ZNF276: variants seen among roughly 807,000 people sequenced by gnomAD.
ZNF276 encodes the protein zinc finger protein 276.
Under a neutral mutation model 63.9 loss-of-function variants are expected in ZNF276, and 59 were observed. The ratio of observed to expected loss-of-function variants is 0.92; its 90% CI spans 0.75 to 1.15. The LOEUF (loss-of-function observed/expected upper bound fraction) is 1.15, where lower values mean the gene tolerates loss of function less well. Ranked by LOEUF, ZNF276 falls within the 50% of genes most tolerant of loss-of-function variation. The pLI is 0.00. For synonymous variants in ZNF276, 496 were observed against 348.4 expected (o/e 1.42, Z -4.72); for missense variants, 1,084 against 843.8 (o/e 1.28, Z -3.53).
At position 89,733,469 on chromosome 16, in the gene ZNF276, C is replaced by G; in HGVS notation, c.1281-13C>G. ...TGTCGGGGCCGGGGCTCCATGCATG[C>G]TCTTCATTGCAGGGAGGAGCTTCCC... is the stretch of plus-strand genomic sequence containing the variant. On this transcript the variant is annotated splice_polypyrimidine_tract_variant and intron_variant, in intron 7 of 10. Coordinates refer to ENST00000443381, the MANE Select transcript of ZNF276 (RefSeq NM_001113525.2). 1.9e-6 allele frequency: 3 copies of G among 1,614,174 alleles called. No homozygotes were observed. In the South Asian group the frequency reaches 3.3e-5, roughly 18 times the overall value.
Position 89,729,294 on chromosome 16 carries a change from C to T in ZNF276, c.1145C>T (p.Ser382Phe), listed in dbSNP as rs1483907564. 1 of 1,614,086 alleles carries T rather than the reference C, an allele frequency of 6.2e-7. No homozygotes were observed. Among genetic ancestry groups the T allele is most frequent in the South Asian group, 1.1e-5 (1 of 91,074 alleles). ...KKQNAQSSDE[S>F]FEPYPERKVS... ...CAAAATGCCCAGTCTTCGGACGAGT[C>T]CTTTGAGCCTTACCCAGAAAGGAAG... The change falls in exon 6 of 11, where the codon TCC (serine) becomes TTC (phenylalanine). Residue 382 changes from serine to phenylalanine, a missense_variant. By Grantham distance (155) the Ser-to-Phe change is radical. Coordinates refer to ENST00000443381, the MANE Select transcript of ZNF276 (RefSeq NM_001113525.2).
rs551944823 is a variant in ZNF276 at position 89,739,934 on chromosome 16, G to T, written c.*1688G>T. 5.9e-5 allele frequency: 94 copies of T among 1,606,014 alleles called. No individual in the cohort carries two copies. The highest frequency in any genetic ancestry group is 7.7e-5 in the Non-Finnish European group (90 of 1,173,928). Reference sequence around the variant, plus strand: ...AAGGAGGGCTCGTTCTTAACCATTTGCAAGATGCCTCTGAAAAGAGCGGCC... The same window carrying T: ...AAGGAGGGCTCGTTCTTAACCATTTTCAAGATGCCTCTGAAAAGAGCGGCC... On this transcript the variant is annotated 3_prime_UTR_variant, in exon 11 of 11. Coordinates refer to ENST00000443381, the MANE Select transcript of ZNF276 (RefSeq NM_001113525.2).
chr16:89,736,681 G>C (rs559521666), intron 9 of ZNF276, among the ~76,000 whole-genome samples: 3 of 150,486 alleles, frequency 2.0e-5, no homozygotes, highest in East Asian at 2.0e-4. Flanking sequence ...TGTGGTCCCA[G>C]CTACTTGAGA....
chr16:89,734,700 G>T (rs2061791180), intron 9 of ZNF276, among the ~76,000 whole-genome samples: 1 of 152,184 alleles, frequency 6.6e-6, no homozygotes, highest in African/African-American at 2.4e-5. Flanking sequence ...ACAGGCGGGA[G>T]GCACGTGTGG....
At chr16:89,735,126 G>A (rs888508767) in intron 9 of ZNF276, among the ~76,000 whole-genome samples, 3 of 151,770 alleles carry the variant, frequency 2.0e-5, no homozygotes, top group Non-Finnish European at 2.9e-5. Flanking sequence ...GTGAGACACT[G>A]TCTCAAAAAA....
At chr16:89,734,612 C>T (rs1170102576) in intron 9 of ZNF276, among the ~76,000 whole-genome samples, 1 of 151,532 alleles carries the variant, frequency 6.6e-6, no homozygotes, top group Non-Finnish European at 1.5e-5. Flanking sequence ...AGCACTGCAC[C>T]TGGCCCAAAC....
upstream of ZNF276, chr16:89,720,871 CG>C: frequency 3.7e-6 from 5 of 1,357,888 alleles, no homozygotes; most frequent in Admixed American, 3.3e-5. Flanking sequence ...TGGCGCCGAG[CG>C]GGGGAGGCGG....
intron 6 of ZNF276, among the ~76,000 whole-genome samples, chr16:89,730,790 C>G (rs1315883517): frequency 6.6e-6 from 1 of 152,182 alleles, no homozygotes; most frequent in African/African-American, 2.4e-5. Flanking sequence ...GGCCTCTGCA[C>G]AGCCCCCGGC....
rs2061419968 is a variant in ZNF276, at chr16:89,724,835, TATC to T, written c.1006+1127_1006+1129del. ...CTGTGTATCTATCTACCTACCTACC[TATC>T]TATCTTCCTACTTCTTTGTCTCTCT... On this transcript the variant is annotated intron_variant, in intron 4 of 10. Transcript: ENST00000443381. Among the ~76,000 whole-genome samples, 6 of 73,094 alleles carry T rather than the reference TATC, an allele frequency of 8.2e-5. No homozygotes were observed. The South Asian group carries it at 1.6e-3, about 19-fold the overall frequency. The allele number at this position is 73,094 out of a possible 152,430, so 48.0% of individuals were successfully genotyped here. A position where few individuals can be genotyped will look rare whatever the true frequency, so the allele number is the denominator to read the frequency against.
intron 6 of ZNF276, among the ~76,000 whole-genome samples, chr16:89,731,132 G>C (rs1389796053): frequency 6.6e-6 from 1 of 152,208 alleles, no homozygotes; most frequent in Non-Finnish European, 1.5e-5. Flanking sequence ...CACAAACAAG[G>C]GGCCACCCAA....
Position 89,721,586 on chromosome 16 carries a change from T to C in ZNF276, c.-55T>C, listed in dbSNP as rs903640765. 6.4e-5 allele frequency: 93 copies of C among 1,453,418 alleles called. No homozygotes were observed. The highest frequency in any genetic ancestry group is 4.2e-4 in the Middle Eastern group (2 of 4,744). The allele number at this position is 1,453,418 out of a possible 1,614,324, so 90.0% of individuals were successfully genotyped here. On this transcript the variant is annotated 5_prime_UTR_variant, in exon 1 of 11. Transcript: ENST00000443381. ...GAGCGGAGCCTAACGCCGGGTCCTCTAGGAACCTCGGGCCGGGCAGCACCC... is the reference window on the plus strand; with the variant it reads ...GAGCGGAGCCTAACGCCGGGTCCTCCAGGAACCTCGGGCCGGGCAGCACCC...
In ZNF276 at chr16:89,739,442, C is replaced by T; in HGVS notation, c.*1196C>T. 1.3e-6 allele frequency: 2 copies of T among 1,552,562 alleles called. No individual in the cohort carries two copies. Among genetic ancestry groups the T allele is most frequent in the South Asian group, 2.4e-5 (2 of 84,560 alleles). ...TGCTGAGATGGGGGTCTGGGAAACA[C>T]TGCCCAGCCCTGACCAGCCCTGTGG... On this transcript the variant is annotated 3_prime_UTR_variant, in exon 11 of 11. Transcript: ENST00000443381.
chr16:89,724,116 C>G (rs577374647), intron 4 of ZNF276, among the ~76,000 whole-genome samples: 36 of 152,370 alleles, frequency 2.4e-4, no homozygotes, highest in African/African-American at 8.4e-4. Context: ...TTTCCTGGCA[C>G]TCAGCCAGCC....
chr16:89,728,481 G>A (rs1175028401), intron 5 of ZNF276, among the ~76,000 whole-genome samples: 1 of 152,166 alleles, frequency 6.6e-6, no homozygotes, highest in Non-Finnish European at 1.5e-5. Flanking sequence ...TCGGCTCACT[G>A]CAAGCTCTGC....
At position 89,722,714 on chromosome 16, in the gene ZNF276, C is replaced by T. The variant is rs745812013; in HGVS notation, c.389C>T (p.Thr130Ile). The T allele has an allele frequency of 4.3e-6, 7 of 1,612,254 alleles. No homozygotes were observed. The Admixed American group carries it at 6.7e-5, about 15-fold the overall frequency. ...LLGVAVRQDP[T>I]LSPFVCKSCH... ...GGTGTGGCTGTCCGCCAGGACCCCA[C>T]CTTGTCTCCGTTTGTCTGCAAGAGC... The change falls in exon 2 of 11, where the codon ACC becomes ATC. Residue 130 changes from threonine (T) to isoleucine (I), a missense_variant. Transcript: ENST00000443381.
In ZNF276 at chr16:89,739,979, C is replaced by T. The variant is rs1161659545; in HGVS notation, c.*1733C>T. On this transcript the variant is annotated 3_prime_UTR_variant, in exon 11 of 11. Coordinates refer to ENST00000443381, the MANE Select transcript of ZNF276 (RefSeq NM_001113525.2). ...GCGGCCCTCCGCATTTGTGCCTCAG[C>T]AGCGTGTTTCTTACCACTCTCTGTC... The T allele has an allele frequency of 6.2e-7, 1 of 1,613,590 alleles. No homozygotes were observed. Among genetic ancestry groups the T allele is most frequent in the South Asian group, 1.1e-5 (1 of 91,084 alleles).
At chr16:89,721,308 C>T (rs1372123733), upstream of ZNF276, 7 of 266,218 alleles carry the variant, frequency 2.6e-5, no homozygotes, top group Admixed American at 2.2e-4. Context: ...GTCGCCTCTC[C>T]CTGGAGGACT....
intron 9 of ZNF276, among the ~76,000 whole-genome samples, chr16:89,735,290 G>C (rs759533116): frequency 9.3e-5 from 13 of 139,470 alleles, no homozygotes; most frequent in East Asian, 7.8e-4. Flanking sequence ...GGTAAGGGGT[G>C]GGGGGGGGCC....
In ZNF276 at chr16:89,739,363, T is replaced by C; in HGVS notation, c.*1117T>C. ...AGCAGGTGATGCCAAGGGATACTGC[T>C]CATCTGTGGAGCAGAGGCACAGACA... On this transcript the variant is annotated 3_prime_UTR_variant, in exon 11 of 11. Coordinates refer to ENST00000443381, the MANE Select transcript of ZNF276 (RefSeq NM_001113525.2). 1 of 1,599,728 alleles carries C rather than the reference T, an allele frequency of 6.3e-7. No homozygotes were observed.
Sources: allele counts gnomAD v4.1 joint callset (sites outside exome capture counted in the v4.1 genomes callset), GRCh38; gene constraint gnomAD v4.1.1; transcripts MANE v1.5; gene names NCBI Gene and HGNC (gene_info 2026-07-23, HGNC 2026-07-21).